The following PLEKHG4B variants were observed in gnomAD, a reference collection of about 807,000 sequenced individuals.
PLEKHG4B encodes the protein pleckstrin homology and RhoGEF domain containing G4B, also known as pleckstrin homology domain-containing family G member 4B.
Under a neutral mutation model 121.3 loss-of-function variants are expected in PLEKHG4B, and 111 were observed. That is an observed-to-expected ratio of 0.92 (90% CI 0.78 to 1.07). The LOEUF (loss-of-function observed/expected upper bound fraction) is 1.07, where lower values mean the gene tolerates loss of function less well. Ranked by LOEUF, PLEKHG4B falls within the 50% of genes least tolerant of loss-of-function variation. The pLI, the probability that PLEKHG4B is intolerant of heterozygous loss-of-function variation, is 0.00. For synonymous variants in PLEKHG4B, 738 were observed against 725.0 expected, an observed-to-expected ratio of 1.02 and a Z score of -0.29; for missense variants, 1,831 against 1,757.8, an observed-to-expected ratio of 1.04 and a Z score of -0.74.
At position 113,506 on chromosome 5, in the gene PLEKHG4B, C is replaced by G; in HGVS notation, c.243+58C>G. On this transcript the variant is annotated intron_variant, in intron 2 of 19. Transcript: ENST00000637938. This position sits in a 1 kb window ranked among gnomAD's most constrained non-coding sequence, Gnocchi z 5.2. ...GCCAACCTGGAGGAACCTGCCCTTT[C>G]CCTGGGCAGGGCAGGAATTGGGCCC... is the stretch of plus-strand genomic sequence containing the variant. 2.5e-6 allele frequency: 1 copy of G among 398,946 alleles called. No homozygotes were observed. Among genetic ancestry groups the G allele is most frequent in the Non-Finnish European group, 4.4e-6 (1 of 226,098 alleles). 24.7% of individuals were successfully genotyped at this position (398,946 alleles called of 1,614,324 possible).
chr5:142,012 G>A lies in PLEKHG4B; in HGVS notation c.1478-1035G>A, dbSNP rs1046168164. Reference sequence around the variant, plus strand: ...GCCCAGCCCATTCCAGCCACCTCACGAGAGCCTTTCGCCTTCAAAGTTAGG... The same window carrying A: ...GCCCAGCCCATTCCAGCCACCTCACAAGAGCCTTTCGCCTTCAAAGTTAGG... On this transcript the variant is annotated intron_variant, in intron 3 of 19. Transcript: ENST00000637938. 3.3e-5 allele frequency among the ~76,000 whole-genome samples: 5 copies of A among 152,308 alleles called. No individual in the cohort carries two copies. The East Asian group carries it at 9.6e-4, about 29-fold the overall frequency.
chr5:107,585 A>C (rs893973652), intron 1 of PLEKHG4B, among the ~76,000 whole-genome samples: 33 of 152,068 alleles, frequency 2.2e-4, no homozygotes, highest in African/African-American at 7.5e-4. Context: ...GCTGGCCTAG[A>C]CTCAGGGCGC....
chr5:119,357 T>C (rs1260582967), intron 2 of PLEKHG4B, among the ~76,000 whole-genome samples: 1 of 152,232 alleles, frequency 6.6e-6, no homozygotes, highest in Non-Finnish European at 1.5e-5. Context: ...GGGAGTTATT[T>C]ATATCCTACT....
At chr5:142,208 C>G (rs527641179) in intron 3 of PLEKHG4B, among the ~76,000 whole-genome samples, 12 of 152,304 alleles carry the variant, frequency 7.9e-5, no homozygotes, top group African/African-American at 2.6e-4. Context: ...AACCCCTCCC[C>G]GTGGTTTCCA....
intron 7 of PLEKHG4B, 22 bp from the exon 8 acceptor site, chr5:154,852 CA>C: frequency 2.5e-6 from 4 of 1,586,216 alleles, no homozygotes; most frequent in Non-Finnish European, 3.5e-6. Flanking sequence ...GAGCCATGAC[CA>C]ACGAGTGCCT....
chr5:156,717 G>A lies in PLEKHG4B; in HGVS notation c.2349-56G>A. On this transcript the variant is annotated intron_variant, in intron 10 of 19. Coordinates refer to ENST00000637938, the MANE Select transcript of PLEKHG4B (RefSeq NM_052909.5). This position sits in a 1 kb window ranked among gnomAD's most constrained non-coding sequence, Gnocchi z 4.4. ...GGTTTTTATATGGGGTTGTCACCAA[G>A]AGCAGATTCCTCAAGGGGCCGCCTG... 6.6e-7 allele frequency: 1 copy of A among 1,514,212 alleles called. No individual in the cohort carries two copies. Among genetic ancestry groups the A allele is most frequent in the South Asian group, 1.3e-5 (1 of 79,648 alleles). 93.8% of individuals were successfully genotyped at this position (1,514,212 alleles called of 1,614,324 possible).
chr5:138,921 A>G (rs1050951596), intron 2 of PLEKHG4B, among the ~76,000 whole-genome samples: 1 of 152,248 alleles, frequency 6.6e-6, no homozygotes, highest in African/African-American at 2.4e-5. Context: ...TTGTAAATGG[A>G]GTGGGATCTC....
In PLEKHG4B at chr5:188,499, A is replaced by C. The variant is rs1733691021; in HGVS notation, c.*6176A>C. On this transcript the variant is annotated 3_prime_UTR_variant, in exon 20 of 20. Coordinates refer to ENST00000637938, the MANE Select transcript of PLEKHG4B (RefSeq NM_052909.5). ...GATTTAATTACAAAACGATAGGTGA[A>C]TGTGGGTTCTGTGTGCCTGTGACAT... The C allele has an allele frequency of 6.6e-6, 1 of 152,250 alleles. No individual in the cohort carries two copies. Among genetic ancestry groups the C allele is most frequent in the East Asian group, 1.9e-4 (1 of 5,196 alleles). 9.4% of individuals were successfully genotyped at this position (152,250 alleles called of 1,614,324 possible). A position where few individuals can be genotyped will look rare whatever the true frequency, so the allele number is the denominator to read the frequency against.
At chr5:152,181 G>C (rs533201130) in intron 7 of PLEKHG4B, among the ~76,000 whole-genome samples, 1 of 151,366 alleles carries the variant, frequency 6.6e-6, no homozygotes, top group East Asian at 1.9e-4. Flanking sequence ...CCACCTTTAG[G>C]ACCTTTTTAG....
intron 1 of PLEKHG4B, among the ~76,000 whole-genome samples, chr5:105,446 G>A (rs1220275577): frequency 6.6e-6 from 1 of 152,198 alleles, no homozygotes; most frequent in African/African-American, 2.4e-5. Flanking sequence ...GGAATCTGCT[G>A]TCAGATCTAC....
chr5:103,676 G>C (rs186561653), intron 1 of PLEKHG4B, among the ~76,000 whole-genome samples: 1 of 152,220 alleles, frequency 6.6e-6, no homozygotes, highest in Admixed American at 6.5e-5. Flanking sequence ...GATCAGGGTA[G>C]TTGGGATATT....
At chr5:168,351 G>A (rs755124473) in intron 13 of PLEKHG4B, among the ~76,000 whole-genome samples, 6 of 152,094 alleles carry the variant, frequency 3.9e-5, no homozygotes, top group African/African-American at 9.7e-5. Flanking sequence ...GCCGTCCTGC[G>A]CCCCCGGCCT....
At chr5:134,077 A>ATATATGTATG (rs1560916320) in intron 2 of PLEKHG4B, among the ~76,000 whole-genome samples, 3 of 3,244 alleles carry the variant, frequency 9.2e-4, no homozygotes, top group Non-Finnish European at 1.7e-3. Context: ...ATATGATAGA[A>ATATATGTATG]TATATATATA....
chr5:166,497 G>C lies in PLEKHG4B; in HGVS notation c.3477-2843G>C, dbSNP rs13157710. 5.9e-3 allele frequency among the ~76,000 whole-genome samples: 170 copies of C among 29,032 alleles called. 2 individuals carry two copies. The highest frequency in any genetic ancestry group is 0.012 in the South Asian group (10 of 814). The allele number at this position is 29,032 out of a possible 152,430, so 19.0% of individuals were successfully genotyped here. A position where few individuals can be genotyped will look rare whatever the true frequency, so the allele number is the denominator to read the frequency against. ...ATGCTCTGACGGGGCGGGGCTCACA[G>C]TAATCTTCTGACGGGGCGGAGCTCA... On this transcript the variant is annotated intron_variant, in intron 13 of 19. Coordinates refer to ENST00000637938, the MANE Select transcript of PLEKHG4B (RefSeq NM_052909.5).
intron 1 of PLEKHG4B, among the ~76,000 whole-genome samples, chr5:95,263 C>T (rs1470976319): frequency 6.6e-6 from 1 of 152,156 alleles, no homozygotes; most frequent in Non-Finnish European, 1.5e-5. Context: ...GGAGTCGTTA[C>T]GTCAGCCAGG....
Position 157,890 on chromosome 5 carries a change from C to A in PLEKHG4B, c.2487+979C>A, listed in dbSNP as rs533442311. ...AGCCCTCCTGTCTGCTGGCAAAGCT[C>A]CCCCGGCCTTCAGGTCCATGCGCGT... On this transcript the variant is annotated intron_variant, in intron 11 of 19. Coordinates refer to ENST00000637938, the MANE Select transcript of PLEKHG4B (RefSeq NM_052909.5). The surrounding 1 kb of genome is among the most constrained non-coding windows in gnomAD (Gnocchi z 4.6). Among the ~76,000 whole-genome samples, 3 of 152,156 alleles carry A rather than the reference C, an allele frequency of 2.0e-5. No individual in the cohort carries two copies. Among genetic ancestry groups the A allele is most frequent in the Non-Finnish European group, 4.4e-5 (3 of 68,004 alleles).
At chr5:162,540 C>T (rs1308769695) in intron 12 of PLEKHG4B, among the ~76,000 whole-genome samples, 182 bp from the exon 13 acceptor site, 2 of 152,268 alleles carry the variant, frequency 1.3e-5, no homozygotes, top group African/African-American at 4.8e-5. Flanking sequence ...GGGTCAGACA[C>T]AGCCCACCTG....
Position 102,043 on chromosome 5 carries a change from T to C in PLEKHG4B, c.45+9767T>C, listed in dbSNP as rs532159250. Among the ~76,000 whole-genome samples, 4 of 93,730 alleles carry C rather than the reference T, an allele frequency of 4.3e-5. No individual in the cohort carries two copies. The South Asian group carries it at 1.4e-3, about 32-fold the overall frequency. 61.5% of individuals were successfully genotyped at this position (93,730 alleles called of 152,430 possible). A position where few individuals can be genotyped will look rare whatever the true frequency, so the allele number is the denominator to read the frequency against. ...CATATAAAGCCCTGGAAAAAGTCTG[T>C]AGGGGAGAGACTGTTGTGAGGTAAA... is the stretch of plus-strand genomic sequence containing the variant. On this transcript the variant is annotated intron_variant, in intron 1 of 19. Coordinates refer to ENST00000637938, the MANE Select transcript of PLEKHG4B (RefSeq NM_052909.5).
At chr5:94,601 A>G (rs1029672285) in intron 1 of PLEKHG4B, among the ~76,000 whole-genome samples, 20 of 147,264 alleles carry the variant, frequency 1.4e-4, no homozygotes, top group African/African-American at 5.1e-4. Flanking sequence ...GCGGGGCTGG[A>G]GGGGGTTGAG....
Sources: gnomAD v4.1 joint callset for allele counts (sites outside exome capture counted in the v4.1 genomes callset) on GRCh38, gnomAD v4.1.1 for gene constraint, Gnocchi (gnomAD v3.1) non-coding constraint, MANE v1.5 for transcripts, NCBI Gene and HGNC (gene_info 2026-07-23, HGNC 2026-07-21) for gene names.